UBASH3B: variants seen among roughly 807,000 people sequenced by gnomAD.
The protein encoded by UBASH3B is ubiquitin associated and SH3 domain containing B.
UBASH3B carries 37 observed loss-of-function variants against 83.4 expected under a neutral mutation model. That is an observed-to-expected ratio of 0.44 (90% confidence interval 0.34 to 0.58). UBASH3B has a LOEUF of 0.58. UBASH3B is among the 20% of genes least tolerant of loss of function. UBASH3B has a pLI of 0.01. For missense variants in UBASH3B, 657 were observed against 827.2 expected (o/e 0.79, Z 2.52); for synonymous variants, 304 against 318.3 (o/e 0.96, Z 0.48).
At chr11:122,716,084 G>A (rs889417471) in intron 1 of UBASH3B, among the ~76,000 whole-genome samples, 1 of 152,250 alleles carries the variant, frequency 6.6e-6, no homozygotes, top group Admixed American at 6.5e-5. Flanking sequence ...TGATCGTGAT[G>A]CAGTGTCCCT....
intron 1 of UBASH3B, among the ~76,000 whole-genome samples, chr11:122,685,946 G>A (rs955402388): frequency 6.6e-6 from 1 of 152,182 alleles, no homozygotes; most frequent in African/African-American, 2.4e-5. Flanking sequence ...CATTTATTGA[G>A]GAGAAAACTG....
At chr11:122,704,144 A>G (rs1211524799) in intron 1 of UBASH3B, among the ~76,000 whole-genome samples, 1 of 152,250 alleles carries the variant, frequency 6.6e-6, no homozygotes, top group Non-Finnish European at 1.5e-5. Context: ...TACAGGAACG[A>G]AAGCTGAGTG....
intron 1 of UBASH3B, among the ~76,000 whole-genome samples, chr11:122,661,149 G>A (rs369476082): frequency 9.2e-5 from 14 of 152,220 alleles, no homozygotes; most frequent in African/African-American, 3.4e-4. Flanking sequence ...GAGGATTTAC[G>A]TGTATTATTG....
chr11:122,751,450 C>T (rs1861198206), intron 1 of UBASH3B, among the ~76,000 whole-genome samples: 1 of 152,212 alleles, frequency 6.6e-6, no homozygotes, highest in Non-Finnish European at 1.5e-5. Flanking sequence ...TTGGATGTGG[C>T]TTGTCAGGGA....
chr11:122,784,863 A>C (rs1860920393), intron 5 of UBASH3B, among the ~76,000 whole-genome samples: 1 of 152,158 alleles, frequency 6.6e-6, no homozygotes, highest in African/African-American at 2.4e-5. Flanking sequence ...GGTTTCTGTA[A>C]GATGCCTTGA....
chr11:122,793,693 G>A (rs950621541), intron 6 of UBASH3B, among the ~76,000 whole-genome samples: 2 of 152,166 alleles, frequency 1.3e-5, no homozygotes, highest in Admixed American at 6.5e-5. Context: ...GGCAGGTTTT[G>A]ACTGTCTTCC....
At chr11:122,697,681 C>A (rs1863980275) in intron 1 of UBASH3B, among the ~76,000 whole-genome samples, 3 of 152,170 alleles carry the variant, frequency 2.0e-5, no homozygotes. Context: ...TGTTTATTTG[C>A]TGCTTCAGCA....
chr11:122,662,049 AG>A (rs1203055094), intron 1 of UBASH3B, among the ~76,000 whole-genome samples: 2 of 151,888 alleles, frequency 1.3e-5, no homozygotes, highest in Non-Finnish European at 2.9e-5. Flanking sequence ...CTAGGACTAC[AG>A]GTATGTGCCA....
chr11:122,715,250 A>G (rs192283118), intron 1 of UBASH3B, among the ~76,000 whole-genome samples: 2 of 152,352 alleles, frequency 1.3e-5, no homozygotes, highest in Admixed American at 1.3e-4. Context: ...CAGCCGAGAT[A>G]AATGTTAAAT....
intron 1 of UBASH3B, among the ~76,000 whole-genome samples, chr11:122,731,330 A>G (rs942020899): frequency 3.9e-5 from 6 of 152,080 alleles, no homozygotes; most frequent in African/African-American, 1.2e-4. Context: ...TTGGCATGCA[A>G]TTTTTTTTCT....
chr11:122,687,704 G>A (rs575280510), intron 1 of UBASH3B, among the ~76,000 whole-genome samples: 1 of 152,204 alleles, frequency 6.6e-6, no homozygotes, highest in East Asian at 1.9e-4. Context: ...AATGGGATCC[G>A]CATTTTAATC....
At chr11:122,718,190 G>T in intron 1 of UBASH3B, among the ~76,000 whole-genome samples, 1 of 152,152 alleles carries the variant, frequency 6.6e-6, no homozygotes, top group East Asian at 1.9e-4. Context: ...CTCCCAAAGC[G>T]CTGGGATTAT....
intron 1 of UBASH3B, among the ~76,000 whole-genome samples, chr11:122,769,016 A>G (rs1481710133): frequency 6.6e-6 from 1 of 152,226 alleles, no homozygotes; most frequent in Non-Finnish European, 1.5e-5. Context: ...TAAGTTTGTC[A>G]TGAGGTAGCT....
chr11:122,718,113 CG>C (rs1860557554), intron 1 of UBASH3B, among the ~76,000 whole-genome samples: 1 of 151,934 alleles, frequency 6.6e-6, no homozygotes, highest in South Asian at 2.1e-4. Flanking sequence ...GTAGTAGAGA[CG>C]GGGTTTCACC....
chr11:122,803,483 T>C (rs1250233057), intron 11 of UBASH3B, among the ~76,000 whole-genome samples: 1 of 152,030 alleles, frequency 6.6e-6, no homozygotes, highest in Non-Finnish European at 1.5e-5. Flanking sequence ...TTAGGGAAGC[T>C]AACCAGGCTG....
At chr11:122,673,328 C>T (rs1863623835) in intron 1 of UBASH3B, among the ~76,000 whole-genome samples, 1 of 152,118 alleles carries the variant, frequency 6.6e-6, no homozygotes, top group Non-Finnish European at 1.5e-5. Flanking sequence ...AAGGAATAGC[C>T]TTAGCCAACC....
chr11:122,658,178 G>GAAA (rs1254190970), intron 1 of UBASH3B, among the ~76,000 whole-genome samples: 45 of 111,332 alleles, frequency 4.0e-4, no homozygotes, highest in South Asian at 1.5e-3. Flanking sequence ...TTCATCTCAA[G>GAAA]AAAAAAAAAA....
At chr11:122,755,297 G>A (rs570541257) in intron 1 of UBASH3B, among the ~76,000 whole-genome samples, 5 of 152,186 alleles carry the variant, frequency 3.3e-5, no homozygotes, top group East Asian at 3.9e-4. Flanking sequence ...TCAGAGTCTC[G>A]GTTTCCCACC....
intron 1 of UBASH3B, among the ~76,000 whole-genome samples, chr11:122,670,402 G>T (rs1863578962): frequency 6.6e-6 from 1 of 152,086 alleles, no homozygotes; most frequent in South Asian, 2.1e-4. Context: ...AATGCAGAGT[G>T]GTGTGTCTGG....
Sources: gnomAD v4.1 joint callset for allele counts (sites outside exome capture counted in the v4.1 genomes callset) on GRCh38, gnomAD v4.1.1 for gene constraint, MANE v1.5 for transcripts, NCBI Gene and HGNC (gene_info 2026-07-23, HGNC 2026-07-21) for gene names.